NYAP2: variants seen among roughly 807,000 people sequenced by gnomAD.
NYAP2 encodes the protein neuronal tyrosine-phosphorylated phosphoinositide-3-kinase adapter 2.
In NYAP2, 23 loss-of-function variants were observed where a neutral mutation model predicts 50.4. The observed-to-expected ratio is 0.46, with a 90% CI of 0.33 to 0.65. The LOEUF is 0.65. Ranked by LOEUF, NYAP2 falls within the 30% of genes least tolerant of loss-of-function variation. The probability of loss-of-function intolerance (pLI) is 0.02; values close to 1 mark genes in which losing one functional copy is unlikely to be tolerated. For missense variants in NYAP2, 885 were observed against 861.0 expected (o/e 1.03, Z -0.35); for synonymous variants, 394 against 365.2 (o/e 1.08, Z -0.90).
At chr2:225,677,505 G>A in the NYAP2 span, among the ~76,000 whole-genome samples, 9 of 151,706 alleles carry the variant, frequency 5.9e-5, no homozygotes, top group African/African-American at 2.2e-4. Flanking sequence ...AAGGGGAGTG[G>A]TTCCAGCTTC....
intron 3 of NYAP2, among the ~76,000 whole-genome samples, chr2:225,444,963 A>G (rs1009314953): frequency 6.6e-6 from 1 of 152,214 alleles, no homozygotes; most frequent in African/African-American, 2.4e-5. Flanking sequence ...AAAGATTTGG[A>G]ATGAAAAAAC....
At chr2:225,481,894 T>G (rs548244268) in intron 3 of NYAP2, among the ~76,000 whole-genome samples, 17 of 152,064 alleles carry the variant, frequency 1.1e-4, no homozygotes, top group Admixed American at 7.9e-4. Context: ...CCCCTGCAGT[T>G]TGTGATTTAG....
chr2:225,403,910 G>A (rs543308712), intron 2 of NYAP2, among the ~76,000 whole-genome samples: 29 of 152,052 alleles, frequency 1.9e-4, no homozygotes, highest in African/African-American at 6.3e-4. Flanking sequence ...CACAATGTAT[G>A]AAATTACACT....
At chr2:225,678,924 G>A in the NYAP2 span, among the ~76,000 whole-genome samples, 1 of 152,096 alleles carries the variant, frequency 6.6e-6, no homozygotes, top group East Asian at 1.9e-4. Context: ...AAGATGAGCT[G>A]TAATTAGAGT....
intron 4 of NYAP2, among the ~76,000 whole-genome samples, chr2:225,531,489 C>A (rs1191925051): frequency 6.6e-6 from 1 of 152,180 alleles, no homozygotes; most frequent in Non-Finnish European, 1.5e-5. Flanking sequence ...CCCAATGAGA[C>A]TATACCTTAG....
intron 4 of NYAP2, among the ~76,000 whole-genome samples, chr2:225,559,565 A>G (rs927120850): frequency 1.3e-4 from 20 of 152,032 alleles, no homozygotes; most frequent in African/African-American, 4.8e-4. Context: ...CTCCTCATGA[A>G]TTTTTGTAGG....
chr2:225,416,087 C>A (rs1362223660), intron 3 of NYAP2, among the ~76,000 whole-genome samples: 1 of 152,156 alleles, frequency 6.6e-6, no homozygotes, highest in African/African-American at 2.4e-5. Flanking sequence ...ATCTTAATAA[C>A]CCTCTCTAAT....
intron 4 of NYAP2, among the ~76,000 whole-genome samples, chr2:225,548,637 T>C (rs767986740): frequency 6.6e-6 from 1 of 151,698 alleles, no homozygotes; most frequent in Non-Finnish European, 1.5e-5. Context: ...GTAGGAACAT[T>C]GAGAGGAAAA....
chr2:225,410,425 CA>C (rs1229904159), intron 3 of NYAP2, among the ~76,000 whole-genome samples: 1 of 151,598 alleles, frequency 6.6e-6, no homozygotes, highest in Non-Finnish European at 1.5e-5. Context: ...CTTCTTAGGA[CA>C]TTTTTTTTTT....
At position 225,570,485 on chromosome 2, in the gene NYAP2, A is replaced by G. The variant is rs148065442; in HGVS notation, c.524-11456A>G. Among the ~76,000 whole-genome samples the G allele has an allele frequency of 1.8e-4, 27 of 152,352 alleles. No homozygotes were observed. The East Asian group carries it at 5.2e-3, about 29-fold the overall frequency. ...TGGCTGGGGAGGCCTCAGGAAACTT[A>G]CAGTCATGGTGGATGGCACCTCTTC... On this transcript the variant is annotated intron_variant, in intron 4 of 6. Transcript: ENST00000636099.
chr2:225,504,115 T>G (rs1369481772), intron 3 of NYAP2, among the ~76,000 whole-genome samples: 1 of 152,300 alleles, frequency 6.6e-6, no homozygotes, highest in East Asian at 1.9e-4. Context: ...TCCAGCCTCC[T>G]GTCATAGTAC....
rs193251278 is a variant in NYAP2, at chr2:225,522,157, T to G, written c.523+8485T>G. ...ATTTTTTATTGCATCTATTTGATTC[T>G]TCTCTCTTTTCTTCTTTATTAGTCT... On this transcript the variant is annotated intron_variant, in intron 4 of 6. Transcript: ENST00000636099. Among the ~76,000 whole-genome samples, 27 of 152,286 alleles carry G rather than the reference T, an allele frequency of 1.8e-4. No homozygotes were observed. In the East Asian group the frequency reaches 3.7e-3, roughly 21 times the overall value.
chr2:225,487,243 A>G (rs938059740), intron 3 of NYAP2, among the ~76,000 whole-genome samples: 12 of 152,224 alleles, frequency 7.9e-5, no homozygotes, highest in African/African-American at 2.9e-4. Flanking sequence ...GACAGTGCAC[A>G]TACATGAGAT....
chr2:225,598,730 G>A (rs1574701625), intron 5 of NYAP2, among the ~76,000 whole-genome samples: 2 of 152,276 alleles, frequency 1.3e-5, no homozygotes, highest in Admixed American at 6.5e-5. Context: ...TATGTGAAAG[G>A]CTATAGACAC....
At chr2:225,604,860 C>A (rs962151861) in intron 5 of NYAP2, among the ~76,000 whole-genome samples, 20 of 152,044 alleles carry the variant, frequency 1.3e-4, no homozygotes, top group African/African-American at 4.6e-4. Flanking sequence ...AGTGCTATGG[C>A]CATCAGTTAT....
At chr2:225,692,664 T>C in the NYAP2 span, among the ~76,000 whole-genome samples, 12 of 152,170 alleles carry the variant, frequency 7.9e-5, no homozygotes, top group African/African-American at 2.2e-4. Context: ...TATGTATGTA[T>C]GAATTATGTA....
intron 4 of NYAP2, among the ~76,000 whole-genome samples, chr2:225,564,205 G>A (rs537258818): frequency 1.3e-5 from 2 of 152,080 alleles, no homozygotes; most frequent in African/African-American, 2.4e-5. Context: ...CTGTGGTCCT[G>A]ACTCTTCAGA....
At chr2:225,651,678 G>A in exon 7 of NYAP2, 2 of 1,100,922 alleles carry the variant, frequency 1.8e-6, no homozygotes, top group South Asian at 1.5e-5. Context: ...GGGGATGCGG[G>A]GGATGAGTTC....
chr2:225,640,409 C>A (rs1027109909), intron 6 of NYAP2, among the ~76,000 whole-genome samples: 1 of 152,180 alleles, frequency 6.6e-6, no homozygotes, highest in Non-Finnish European at 1.5e-5. Flanking sequence ...CATTTACTCA[C>A]TCAGTGAGAA....
Sources: gnomAD v4.1 joint callset for allele counts (sites outside exome capture counted in the v4.1 genomes callset) on GRCh38, gnomAD v4.1.1 for gene constraint, MANE v1.5 for transcripts, NCBI Gene and HGNC (gene_info 2026-07-23, HGNC 2026-07-21) for gene names.